ATP9B: variants seen among roughly 807,000 people sequenced by gnomAD.
ATP9B encodes the protein ATPase phospholipid transporting 9B.
Under a neutral mutation model 146.1 loss-of-function variants are expected in ATP9B, and 110 were observed. The ratio of observed to expected loss-of-function variants is 0.75; its 90% CI spans 0.65 to 0.88. The LOEUF is 0.88. ATP9B is among the 40% of genes least tolerant of loss of function. The probability of loss-of-function intolerance (pLI) is 0.00; values close to 1 mark genes in which losing one functional copy is unlikely to be tolerated. For missense variants in ATP9B, 1,499 were observed against 1,496.4 expected (o/e 1.00, Z -0.03); for synonymous variants, 604 against 569.7 (o/e 1.06, Z -0.86).
chr18:79,257,354 T>C (rs975639734), intron 12 of ATP9B, among the ~76,000 whole-genome samples: 1 of 152,166 alleles, frequency 6.6e-6, no homozygotes, highest in African/African-American at 2.4e-5. Context: ...TGTCAGTAAA[T>C]AGTCAAAGCT....
chr18:79,070,208 A>G (rs1434600137), intron 1 of ATP9B, among the ~76,000 whole-genome samples: 1 of 152,258 alleles, frequency 6.6e-6, no homozygotes, highest in Admixed American at 6.5e-5. Flanking sequence ...AATTTTAAAA[A>G]GTGTTGCTTC....
chr18:79,231,534 T>A (rs187049328), intron 11 of ATP9B, among the ~76,000 whole-genome samples: 2 of 152,276 alleles, frequency 1.3e-5, no homozygotes, highest in Non-Finnish European at 2.9e-5. Flanking sequence ...TCTACACTGC[T>A]GGTGGGAATG....
intron 13 of ATP9B, among the ~76,000 whole-genome samples, chr18:79,302,462 G>A (rs2096597259): frequency 1.3e-5 from 2 of 152,214 alleles, no homozygotes; most frequent in African/African-American, 4.8e-5. Flanking sequence ...ACACACCCCC[G>A]GGGACAAGGT....
intron 1 of ATP9B, among the ~76,000 whole-genome samples, chr18:79,070,979 T>C (rs1288969733): frequency 6.6e-6 from 1 of 152,048 alleles, no homozygotes; most frequent in Admixed American, 6.5e-5. Flanking sequence ...ATTACTGATA[T>C]GTTAGAATAT....
At chr18:79,095,704 C>T (rs954204722) in intron 1 of ATP9B, 6 of 152,194 alleles carry the variant, frequency 3.9e-5, no homozygotes, top group African/African-American at 1.4e-4. Flanking sequence ...ATGCAAAATT[C>T]AGTAAGACAG....
At chr18:79,095,264 A>G (rs1447719218) in intron 1 of ATP9B, among the ~76,000 whole-genome samples, 1 of 152,020 alleles carries the variant, frequency 6.6e-6, no homozygotes, top group Non-Finnish European at 1.5e-5. Flanking sequence ...TTGATGCCTT[A>G]CTAACCAAGC....
chr18:79,241,012 C>CATT (rs1450518948), intron 11 of ATP9B, among the ~76,000 whole-genome samples: 1 of 152,156 alleles, frequency 6.6e-6, no homozygotes, highest in Non-Finnish European at 1.5e-5. Flanking sequence ...GAATAACAGA[C>CATT]ATTACACAGC....
intron 10 of ATP9B, among the ~76,000 whole-genome samples, chr18:79,210,162 T>A (rs1219688944): frequency 6.6e-6 from 1 of 152,190 alleles, no homozygotes; most frequent in Non-Finnish European, 1.5e-5. Flanking sequence ...ACTTCCCATG[T>A]GGATCCAGAA....
chr18:79,302,424 G>A (rs968014409), intron 13 of ATP9B, among the ~76,000 whole-genome samples: 6 of 149,122 alleles, frequency 4.0e-5, no homozygotes, highest in Admixed American at 2.0e-4. Context: ...AGAGCACCAC[G>A]CGTGGCAGCA....
At chr18:79,172,982 A>G (rs2095102516) in intron 7 of ATP9B, among the ~76,000 whole-genome samples, 1 of 152,150 alleles carries the variant, frequency 6.6e-6, no homozygotes. Context: ...GTTTTGTTTT[A>G]CATTCCCACC....
intron 1 of ATP9B, among the ~76,000 whole-genome samples, chr18:79,089,779 A>G (rs1366973139): frequency 1.3e-5 from 2 of 152,096 alleles, no homozygotes; most frequent in African/African-American, 4.8e-5. Context: ...GAACTTTGCA[A>G]TTTTATTCTT....
intron 1 of ATP9B, among the ~76,000 whole-genome samples, chr18:79,082,688 C>G (rs763554644): frequency 6.6e-6 from 1 of 152,162 alleles, no homozygotes; most frequent in Non-Finnish European, 1.5e-5. Flanking sequence ...CTGGAGTTTG[C>G]TGGAGATCCA....
chr18:79,368,571 G>C (rs2097049508), intron 26 of ATP9B, among the ~76,000 whole-genome samples: 1 of 152,088 alleles, frequency 6.6e-6, no homozygotes, highest in African/African-American at 2.4e-5. Context: ...TGTAATATTT[G>C]AACTTTCTGT....
chr18:79,091,816 G>T (rs904225484), intron 1 of ATP9B, among the ~76,000 whole-genome samples: 2 of 152,168 alleles, frequency 1.3e-5, no homozygotes, highest in Non-Finnish European at 2.9e-5. Flanking sequence ...ACTATGTCGA[G>T]TAACAGTGGT....
chr18:79,281,119 A>G (rs191432256), intron 13 of ATP9B, among the ~76,000 whole-genome samples: 1 of 152,218 alleles, frequency 6.6e-6, no homozygotes, highest in Non-Finnish European at 1.5e-5. Flanking sequence ...ACTTGATAAA[A>G]CCATCAATGA....
intron 15 of ATP9B, among the ~76,000 whole-genome samples, chr18:79,309,502 T>A: frequency 9.8e-6 from 1 of 101,872 alleles, no homozygotes. Flanking sequence ...AGGTCAGGGG[T>A]GGAGGAGTGA....
intron 9 of ATP9B, among the ~76,000 whole-genome samples, chr18:79,199,817 C>T (rs2095450205): frequency 6.6e-6 from 1 of 151,896 alleles, no homozygotes; most frequent in Admixed American, 6.6e-5. Context: ...TTAGCCTAGG[C>T]CTACTCGGAT....
intron 13 of ATP9B, among the ~76,000 whole-genome samples, chr18:79,291,241 C>T (rs987439931): frequency 1.3e-5 from 2 of 152,014 alleles, no homozygotes; most frequent in African/African-American, 4.8e-5. Flanking sequence ...ATACCATAGC[C>T]GAGTCTGCTG....
At chr18:79,164,247 A>T (rs2094929819) in intron 7 of ATP9B, among the ~76,000 whole-genome samples, 1 of 152,188 alleles carries the variant, frequency 6.6e-6, no homozygotes, top group Non-Finnish European at 1.5e-5. Context: ...AAGTATATGT[A>T]ATCAGATGAC....
Sources: gnomAD v4.1 joint callset for allele counts (sites outside exome capture counted in the v4.1 genomes callset) on GRCh38, gnomAD v4.1.1 for gene constraint, MANE v1.5 for transcripts, NCBI Gene and HGNC (gene_info 2026-07-23, HGNC 2026-07-21) for gene names.